STAC: variants seen among roughly 807,000 people sequenced by gnomAD.
The protein encoded by STAC is SH3 and cysteine rich domain.
In STAC, 43 loss-of-function variants were observed where a neutral mutation model predicts 48.8. That is an observed-to-expected ratio of 0.88 (90% CI 0.69 to 1.14). The LOEUF (loss-of-function observed/expected upper bound fraction) is 1.14, where lower values mean the gene tolerates loss of function less well. STAC is among the 50% of genes most tolerant of loss of function. STAC has a pLI of 0.00. For synonymous variants in STAC, 193 were observed against 179.5 expected, an observed-to-expected ratio of 1.07 and a Z score of -0.60; for missense variants, 497 against 504.0, an observed-to-expected ratio of 0.99 and a Z score of 0.13.
intron 1 of STAC, among the ~76,000 whole-genome samples, chr3:36,401,787 G>T (rs1301461345): frequency 6.6e-6 from 1 of 152,094 alleles, no homozygotes; most frequent in Non-Finnish European, 1.5e-5. Flanking sequence ...ACCAAACTTG[G>T]GGTCCATCTA....
At chr3:36,398,323 G>GC (rs1699899329) in intron 1 of STAC, among the ~76,000 whole-genome samples, 2 of 88,690 alleles carry the variant, frequency 2.3e-5, no homozygotes. Context: ...AAGAAAGCAA[G>GC]AAAGAAAGAA....
intron 2 of STAC, among the ~76,000 whole-genome samples, chr3:36,475,013 G>A (rs918182880): frequency 2.0e-5 from 3 of 151,960 alleles, no homozygotes; most frequent in Non-Finnish European, 2.9e-5. Flanking sequence ...GTGTGTGTGC[G>A]CGCGCGCACG....
chr3:36,445,357 A>T (rs1318817239), intron 2 of STAC, among the ~76,000 whole-genome samples: 1 of 152,204 alleles, frequency 6.6e-6, no homozygotes, highest in Non-Finnish European at 1.5e-5. Flanking sequence ...AAAGAAAAAA[A>T]AGAATCAACG....
intron 2 of STAC, among the ~76,000 whole-genome samples, chr3:36,458,731 C>G (rs903926242): frequency 4.6e-5 from 7 of 152,154 alleles, no homozygotes; most frequent in Admixed American, 2.0e-4. Context: ...AAAGCTGCAC[C>G]TCAATTTAGA....
At chr3:36,501,768 G>T (rs558290271) in intron 6 of STAC, among the ~76,000 whole-genome samples, 7 of 152,264 alleles carry the variant, frequency 4.6e-5, no homozygotes, top group African/African-American at 1.4e-4. Context: ...GAAACAAGAA[G>T]TAGCAAGGAG....
chr3:36,396,250 A>G (rs1162370089), intron 1 of STAC, among the ~76,000 whole-genome samples: 1 of 152,176 alleles, frequency 6.6e-6, no homozygotes, highest in Non-Finnish European at 1.5e-5. Context: ...CATATGAAAA[A>G]TTAATTATAA....
chr3:36,521,972 C>G (rs1329791681), intron 8 of STAC, among the ~76,000 whole-genome samples: 1 of 151,814 alleles, frequency 6.6e-6, no homozygotes, highest in African/African-American at 2.4e-5. Flanking sequence ...ACCTGTAGTC[C>G]CAGATACTTG....
At chr3:36,523,835 T>C (rs1349952517) in intron 8 of STAC, among the ~76,000 whole-genome samples, 1 of 152,218 alleles carries the variant, frequency 6.6e-6, no homozygotes, top group African/African-American at 2.4e-5. Flanking sequence ...GTTGGCAGAA[T>C]GTTTTCATTT....
chr3:36,384,965 A>G (rs1051229030), intron 1 of STAC, among the ~76,000 whole-genome samples: 1 of 152,186 alleles, frequency 6.6e-6, no homozygotes, highest in Admixed American at 6.5e-5. Flanking sequence ...GCTGTTATTA[A>G]TAAGGAATTT....
intron 5 of STAC, 83 bp downstream of exon 5, chr3:36,486,332 A>T: frequency 8.3e-7 from 1 of 1,201,800 alleles, no homozygotes; most frequent in Admixed American, 2.1e-5. Context: ...GGGGTATTCC[A>T]CCTGACTGCC....
rs192212343 is a variant in STAC, at chr3:36,522,847, G to A, written c.921-5849G>A. 2.4e-3 allele frequency among the ~76,000 whole-genome samples: 362 copies of A among 152,228 alleles called. 1 individual carries two copies. The highest frequency in any genetic ancestry group is 7.9e-3 in the African/African-American group (329 of 41,552). On this transcript the variant is annotated intron_variant, in intron 8 of 10. Transcript: ENST00000273183. ...GGATTGGAGAGAGGCTGGGCTGGGC[G>A]GGGGATGCCTCAGGGCAACTCATAC...
At chr3:36,428,154 A>G (rs4678877) in intron 1 of STAC, among the ~76,000 whole-genome samples, 67,095 of 151,990 alleles carry the variant, frequency 0.44, 15,030 homozygotes, top group African/African-American at 0.5. Context: ...AGTGGGATGT[A>G]ATTGAGGCCC....
intron 10 of STAC, among the ~76,000 whole-genome samples, chr3:36,543,188 A>C (rs549270337): frequency 6.6e-6 from 1 of 152,198 alleles, no homozygotes; most frequent in East Asian, 1.9e-4. Flanking sequence ...ACTCTTTTCC[A>C]CCTGTAACTA....
chr3:36,439,051 G>A (rs1198165152), intron 1 of STAC, among the ~76,000 whole-genome samples: 1 of 152,136 alleles, frequency 6.6e-6, no homozygotes, highest in African/African-American at 2.4e-5. Flanking sequence ...CCCTGGAGGT[G>A]GGTGATGACT....
intron 2 of STAC, among the ~76,000 whole-genome samples, chr3:36,448,169 T>TTTTA (rs1696569503): frequency 7.2e-6 from 1 of 139,358 alleles, no homozygotes; most frequent in African/African-American, 2.6e-5. Flanking sequence ...TTTTATTTTA[T>TTTTA]TTTATTTTAT....
At chr3:36,442,252 G>C (rs1696370617) in intron 1 of STAC, among the ~76,000 whole-genome samples, 1 of 152,210 alleles carries the variant, frequency 6.6e-6, no homozygotes, top group Non-Finnish European at 1.5e-5. Flanking sequence ...CCTTTGCTGT[G>C]TAGAAGCTTT....
intron 2 of STAC, among the ~76,000 whole-genome samples, chr3:36,455,942 G>A (rs1696843302): frequency 6.6e-6 from 1 of 152,162 alleles, no homozygotes; most frequent in Non-Finnish European, 1.5e-5. Flanking sequence ...AGCATAGCTT[G>A]GGAAGAAAAT....
At chr3:36,541,716 C>G (rs1699331538) in intron 10 of STAC, among the ~76,000 whole-genome samples, 1 of 152,142 alleles carries the variant, frequency 6.6e-6, no homozygotes, top group African/African-American at 2.4e-5. Context: ...CTGCCTGTGT[C>G]CCATACTAGG....
intron 2 of STAC, among the ~76,000 whole-genome samples, chr3:36,449,519 A>G (rs1250528863): frequency 6.6e-6 from 1 of 152,214 alleles, no homozygotes; most frequent in African/African-American, 2.4e-5. Context: ...AATGACACAC[A>G]TGAACATGTG....
Sources: allele counts gnomAD v4.1 joint callset (sites outside exome capture counted in the v4.1 genomes callset), GRCh38; gene constraint gnomAD v4.1.1; transcripts MANE v1.5; gene names NCBI Gene and HGNC (gene_info 2026-07-23, HGNC 2026-07-21).